The following CTNND2 variants were observed in gnomAD, a reference collection of about 807,000 sequenced individuals.
CTNND2 encodes the protein catenin delta 2.
CTNND2 carries 22 observed loss-of-function variants against 144.4 expected under a neutral mutation model. The observed-to-expected ratio is 0.15, with a 90% CI of 0.11 to 0.22. The LOEUF (loss-of-function observed/expected upper bound fraction) is 0.22, where lower values mean the gene tolerates loss of function less well. Among genes scored for constraint, CTNND2 ranks in the 10% least tolerant of loss-of-function variants. CTNND2 has a pLI of 1.00. For synonymous variants in CTNND2, 751 were observed against 695.6 expected, an observed-to-expected ratio of 1.08 and a Z score of -1.25; for missense variants, 1,353 against 1,618.8, an observed-to-expected ratio of 0.84 and a Z score of 2.82.
intron 3 of CTNND2, among the ~76,000 whole-genome samples, chr5:11,504,976 T>C (rs1770882284): frequency 6.6e-6 from 1 of 151,994 alleles, no homozygotes; most frequent in Non-Finnish European, 1.5e-5. Flanking sequence ...TCCTGGAGTC[T>C]GAAGAGCCAT....
intron 2 of CTNND2, among the ~76,000 whole-genome samples, chr5:11,632,371 C>G (rs1001548525): frequency 6.6e-6 from 1 of 152,140 alleles, no homozygotes; most frequent in African/African-American, 2.4e-5. Context: ...AAACTGTGTA[C>G]CTGACTAAGG....
intron 2 of CTNND2, among the ~76,000 whole-genome samples, chr5:11,721,320 C>T (rs1786664417): frequency 6.6e-6 from 1 of 151,626 alleles, no homozygotes; most frequent in Non-Finnish European, 1.5e-5. Flanking sequence ...GTGACTATAC[C>T]AAAACCACAT....
chr5:11,202,897 C>A (rs574362335), intron 10 of CTNND2, among the ~76,000 whole-genome samples: 68 of 152,124 alleles, frequency 4.5e-4, no homozygotes, highest in Non-Finnish European at 8.7e-4. Flanking sequence ...CTCCTCCTCC[C>A]GGGTTCAAGC....
chr5:11,361,839 A>G (rs757915626), intron 8 of CTNND2, among the ~76,000 whole-genome samples: 1 of 152,074 alleles, frequency 6.6e-6, no homozygotes, highest in Non-Finnish European at 1.5e-5. Flanking sequence ...ACTTTTCTTC[A>G]TTCCCAAGTG....
chr5:11,711,804 A>C (rs1261247247), intron 2 of CTNND2, among the ~76,000 whole-genome samples: 1 of 152,216 alleles, frequency 6.6e-6, no homozygotes, highest in African/African-American at 2.4e-5. Context: ...ACACGGCCTT[A>C]AGTATGCTAA....
chr5:11,709,799 T>C (rs35229478), intron 2 of CTNND2, among the ~76,000 whole-genome samples: 9,204 of 152,268 alleles, frequency 0.06, 414 homozygotes, highest in South Asian at 0.1. Flanking sequence ...TTCTTTAATA[T>C]TAAACTAATG....
chr5:11,709,577 C>A (rs192952884), intron 2 of CTNND2, among the ~76,000 whole-genome samples: 21 of 152,196 alleles, frequency 1.4e-4, no homozygotes, highest in African/African-American at 4.6e-4. Context: ...TTATTTTTTT[C>A]TGCTTGCTAA....
chr5:11,226,383 C>T (rs1740361657), intron 10 of CTNND2, among the ~76,000 whole-genome samples: 1 of 152,172 alleles, frequency 6.6e-6, no homozygotes, highest in Non-Finnish European at 1.5e-5. Flanking sequence ...CCTCCATAGC[C>T]CACATCACCA....
intron 11 of CTNND2, among the ~76,000 whole-genome samples, chr5:11,170,776 A>C (rs528376646): frequency 6.6e-6 from 1 of 152,348 alleles, no homozygotes; most frequent in Non-Finnish European, 1.5e-5. Context: ...GCTATGAAGA[A>C]ATACCTGAGA....
intron 16 of CTNND2, among the ~76,000 whole-genome samples, chr5:11,063,123 A>G (rs1264098283): frequency 6.6e-6 from 1 of 152,212 alleles, no homozygotes; most frequent in African/African-American, 2.4e-5. Flanking sequence ...AAGTTCAAAG[A>G]ATCAAGTAGC....
Position 11,705,147 on chromosome 5 carries a change from T to C in CTNND2, c.174+26989A>G, listed in dbSNP as rs544956053. On this transcript the variant is annotated intron_variant, in intron 2 of 21. Coordinates refer to ENST00000304623, the MANE Select transcript of CTNND2 (RefSeq NM_001332.4). ...GGTGCAGGCATAAATCATCTCCAAATAGCCAACCAAATGCCTGAACAGGAC... is the reference window on the plus strand; with the variant it reads ...GGTGCAGGCATAAATCATCTCCAAACAGCCAACCAAATGCCTGAACAGGAC... Among the ~76,000 whole-genome samples, 4 of 152,294 alleles carry C rather than the reference T, an allele frequency of 2.6e-5. No individual in the cohort carries two copies. The South Asian group carries it at 8.3e-4, about 32-fold the overall frequency.
chr5:11,590,853 A>G (rs946765194), intron 2 of CTNND2, among the ~76,000 whole-genome samples: 8 of 152,240 alleles, frequency 5.3e-5, no homozygotes, highest in African/African-American at 1.9e-4. Context: ...CCTTTCTCAG[A>G]TTCAGCCCAC....
intron 11 of CTNND2, among the ~76,000 whole-genome samples, chr5:11,161,657 T>C (rs980767599): frequency 7.4e-4 from 113 of 152,290 alleles, no homozygotes; most frequent in African/African-American, 2.6e-3. Flanking sequence ...TACCCCAGTA[T>C]TTGAGGATAA....
intron 3 of CTNND2, among the ~76,000 whole-genome samples, chr5:11,470,956 A>G (rs187297510): frequency 0.017 from 1,373 of 81,912 alleles, 36 homozygotes; most frequent in African/African-American, 0.078. Context: ...GATACAAAGT[A>G]TATATATATA....
chr5:11,582,897 A>G (rs949402115), intron 2 of CTNND2, among the ~76,000 whole-genome samples: 2 of 152,100 alleles, frequency 1.3e-5, no homozygotes, highest in Non-Finnish European at 2.9e-5. Context: ...CTGACCACCA[A>G]TCTCATATTA....
intron 2 of CTNND2, among the ~76,000 whole-genome samples, chr5:11,729,589 A>T (rs1167725759): frequency 6.6e-6 from 1 of 152,112 alleles, no homozygotes; most frequent in African/African-American, 2.4e-5. Context: ...AACATTTTCA[A>T]CTCTTCACCA....
At chr5:11,830,363 T>C (rs961551000) in intron 1 of CTNND2, among the ~76,000 whole-genome samples, 2 of 152,184 alleles carry the variant, frequency 1.3e-5, no homozygotes, top group Non-Finnish European at 2.9e-5. Flanking sequence ...AATTCCCATG[T>C]GTTCTGGGAG....
chr5:11,272,931 T>C (rs1486018683), intron 9 of CTNND2, among the ~76,000 whole-genome samples: 4 of 152,108 alleles, frequency 2.6e-5, no homozygotes, highest in African/African-American at 9.7e-5. Context: ...AGCTAAAAGG[T>C]TTCTACAGTT....
intron 16 of CTNND2, among the ~76,000 whole-genome samples, chr5:11,078,863 G>T (rs2149627482): frequency 6.6e-6 from 1 of 152,294 alleles, no homozygotes; most frequent in African/African-American, 2.4e-5. Context: ...ACAATTCACA[G>T]ATAACCCTTA....
Sources: gnomAD v4.1 joint callset for allele counts (sites outside exome capture counted in the v4.1 genomes callset) on GRCh38, gnomAD v4.1.1 for gene constraint, MANE v1.5 for transcripts, NCBI Gene and HGNC (gene_info 2026-07-23, HGNC 2026-07-21) for gene names.